Variants in GABBR2 observed in about 807,000 individuals in gnomAD.
GABBR2 encodes G-protein coupled receptor 51.
A neutral mutation model predicts 105.6 loss-of-function variants in GABBR2; 23 were observed. The ratio of observed to expected loss-of-function variants is 0.22; its 90% CI spans 0.16 to 0.31. The LOEUF is 0.31. Ranked by LOEUF, GABBR2 falls within the 10% of genes least tolerant of loss-of-function variation. GABBR2 has a pLI of 1.00. For synonymous variants in GABBR2, 478 were observed against 499.7 expected, an observed-to-expected ratio of 0.96 and a Z score of 0.58; for missense variants, 734 against 1,245.5, an observed-to-expected ratio of 0.59 and a Z score of 6.18.
chr9:98,315,771 T>C (rs1830705093), intron 13 of GABBR2, among the ~76,000 whole-genome samples: 1 of 152,214 alleles, frequency 6.6e-6, no homozygotes, highest in South Asian at 2.1e-4. Context: ...TACCCTCTGC[T>C]GGGGACACAG....
Position 98,426,699 on chromosome 9 carries a change from A to T in GABBR2, c.1237-20558T>A, listed in dbSNP as rs1825700350. On this transcript the variant is annotated intron_variant, in intron 7 of 18. Transcript: ENST00000259455. ...CCATCAGCTAAAATATCTTCCATTA[A>T]GAGAAAAGTGTTAGCAGGCCAGGAG... Among the ~76,000 whole-genome samples the T allele has an allele frequency of 3.9e-5, 6 of 152,324 alleles. No individual in the cohort carries two copies. The South Asian group carries it at 1.2e-3, about 32-fold the overall frequency.
At chr9:98,602,443 G>A (rs1829353599) in intron 1 of GABBR2, among the ~76,000 whole-genome samples, 1 of 138,634 alleles carries the variant, frequency 7.2e-6, no homozygotes, top group Non-Finnish European at 1.5e-5. Context: ...CTGGGTGACA[G>A]AGCTAGACTC....
chr9:98,417,162 A>ATTGAG (rs764812671), intron 7 of GABBR2, among the ~76,000 whole-genome samples: 4 of 152,204 alleles, frequency 2.6e-5, no homozygotes, highest in African/African-American at 7.2e-5. Context: ...GTTACGTTGC[A>ATTGAG]CTGAGTTGAG....
At chr9:98,509,634 A>T (rs1157367855) in intron 3 of GABBR2, among the ~76,000 whole-genome samples, 1 of 152,262 alleles carries the variant, frequency 6.6e-6, no homozygotes, top group Non-Finnish European at 1.5e-5. Context: ...CACAAACCTC[A>T]GTAGCCAATG....
chr9:98,485,233 A>C (rs1408388591), intron 4 of GABBR2, among the ~76,000 whole-genome samples: 1 of 152,182 alleles, frequency 6.6e-6, no homozygotes, highest in Non-Finnish European at 1.5e-5. Flanking sequence ...TCACACCCTC[A>C]AGAGGCTACT....
intron 13 of GABBR2, among the ~76,000 whole-genome samples, chr9:98,350,447 ATTTGT>A (rs1199680794): frequency 4.6e-5 from 7 of 151,834 alleles, no homozygotes; most frequent in Non-Finnish European, 1.5e-5. Context: ...TTTCATTTTT[ATTTGT>A]TTTAAGAAAT....
chr9:98,329,882 A>T (rs1049304298), intron 13 of GABBR2, among the ~76,000 whole-genome samples: 4 of 150,360 alleles, frequency 2.7e-5, no homozygotes, highest in Non-Finnish European at 3.0e-5. Flanking sequence ...TCTCTCTCTC[A>T]CACACACACA....
At chr9:98,409,645 G>A (rs1217687774) in intron 7 of GABBR2, among the ~76,000 whole-genome samples, 1 of 152,166 alleles carries the variant, frequency 6.6e-6, no homozygotes, top group African/African-American at 2.4e-5. Context: ...TGTTAGTTCA[G>A]GTTATGCCCC....
intron 2 of GABBR2, among the ~76,000 whole-genome samples, chr9:98,557,500 C>A (rs550895411): frequency 6.6e-6 from 1 of 152,210 alleles, no homozygotes; most frequent in African/African-American, 2.4e-5. Flanking sequence ...GAAGAAGAAA[C>A]CGTTCACAGT....
At chr9:98,447,196 G>A (rs887093472) in intron 7 of GABBR2, among the ~76,000 whole-genome samples, 1 of 139,916 alleles carries the variant, frequency 7.1e-6, no homozygotes, top group Non-Finnish European at 1.6e-5. Context: ...CAAGTAGCTG[G>A]GACTACAGGC....
chr9:98,447,810 G>C (rs1335831648), intron 7 of GABBR2, among the ~76,000 whole-genome samples: 5 of 152,032 alleles, frequency 3.3e-5, no homozygotes, highest in Non-Finnish European at 7.4e-5. Flanking sequence ...AAAGTTGGTA[G>C]GGTGGGTGGT....
chr9:98,392,367 C>T (rs17696686), intron 9 of GABBR2, among the ~76,000 whole-genome samples: 18 of 152,158 alleles, frequency 1.2e-4, no homozygotes, highest in Admixed American at 6.5e-4. Flanking sequence ...CTCCCCAGTC[C>T]GATAGCAGAC....
intron 6 of GABBR2, among the ~76,000 whole-genome samples, chr9:98,468,423 T>C (rs1238577724): frequency 6.6e-6 from 1 of 152,148 alleles, no homozygotes; most frequent in East Asian, 1.9e-4. Context: ...ATACAACCTG[T>C]GCAGGGCTGT....
At chr9:98,297,239 C>G (rs10985779) in intron 17 of GABBR2, among the ~76,000 whole-genome samples, 1 of 152,042 alleles carries the variant, frequency 6.6e-6, no homozygotes, top group Non-Finnish European at 1.5e-5. Context: ...TCAATTTAAA[C>G]GTTTTTGCAA....
At chr9:98,354,003 T>G (rs923750091) in intron 13 of GABBR2, among the ~76,000 whole-genome samples, 6 of 152,232 alleles carry the variant, frequency 3.9e-5, no homozygotes, top group Admixed American at 1.3e-4. Context: ...AATGCAGAAC[T>G]GTGAGTCAAT....
intron 7 of GABBR2, among the ~76,000 whole-genome samples, chr9:98,435,398 C>T (rs1464458655): frequency 2.0e-5 from 3 of 152,180 alleles, no homozygotes; most frequent in Admixed American, 6.5e-5. Context: ...TCTGTCGTAA[C>T]TGGTAAAACA....
At chr9:98,372,241 C>T (rs905426414) in intron 11 of GABBR2, among the ~76,000 whole-genome samples, 2 of 152,192 alleles carry the variant, frequency 1.3e-5, no homozygotes, top group Admixed American at 6.5e-5. Context: ...GTCTTAGGGG[C>T]CTCCAGGACG....
Position 98,708,732 on chromosome 9 carries a change from A to T in GABBR2, c.6T>A (p.Ala2=), listed in dbSNP as rs1340280349. The T allele has an allele frequency of 2.0e-6, 2 of 982,796 alleles. No individual in the cohort carries two copies. Among genetic ancestry groups the T allele is most frequent in the African/African-American group, 1.8e-5 (1 of 55,432 alleles). The allele number at this position is 982,796 out of a possible 1,614,324, so 60.9% of individuals were successfully genotyped here. The change falls in exon 1 of 19, where the codon GCT becomes GCA. Residue 2 remains alanine, a synonymous_variant. Transcript: ENST00000259455. Reference sequence around the variant, plus strand: ...CGGGCTGCCCGGAGCTCCGCGGGGAAGCCATGCCGCGCCGCGGGCTGCGGG... The same window carrying T: ...CGGGCTGCCCGGAGCTCCGCGGGGATGCCATGCCGCGCCGCGGGCTGCGGG... M[A]SPRSSGQPGP... is the part of the protein sequence containing the mutation.
intron 1 of GABBR2, among the ~76,000 whole-genome samples, chr9:98,632,251 T>C (rs942986992): frequency 6.6e-6 from 1 of 152,226 alleles, no homozygotes; most frequent in Non-Finnish European, 1.5e-5. Flanking sequence ...CCTTAACCTC[T>C]CTAAGCCTCC....
Sources: allele counts gnomAD v4.1 joint callset (sites outside exome capture counted in the v4.1 genomes callset), GRCh38; gene constraint gnomAD v4.1.1; transcripts MANE v1.5; gene names NCBI Gene and HGNC (gene_info 2026-07-23, HGNC 2026-07-21).